C2CD3: variants seen among roughly 807,000 people sequenced by gnomAD.
C2CD3 encodes the protein C2 domain-containing protein 3.
Under a neutral mutation model 234.0 loss-of-function variants are expected in C2CD3, and 148 were observed. The observed-to-expected ratio is 0.63, with a 90% confidence interval of 0.55 to 0.72. The LOEUF (loss-of-function observed/expected upper bound fraction) is 0.72, where lower values mean the gene tolerates loss of function less well. Ranked by LOEUF, C2CD3 falls within the 30% of genes least tolerant of loss-of-function variation. The pLI is 0.00. For synonymous variants in C2CD3, 1,000 were observed against 1,035.4 expected, an observed-to-expected ratio of 0.97 and a Z score of 0.66; for missense variants, 2,577 against 2,811.5, an observed-to-expected ratio of 0.92 and a Z score of 1.89.
chr11:74,138,676 A>G (rs968446795), intron 5 of C2CD3, 44 bp downstream of exon 5: 1 of 1,524,398 alleles, frequency 6.6e-7, no homozygotes, highest in Admixed American at 1.7e-5. Flanking sequence ...GAGCAATCCC[A>G]TAAACGTAGT....
chr11:74,101,184 C>T (rs548726123), intron 14 of C2CD3, among the ~76,000 whole-genome samples: 14 of 152,344 alleles, frequency 9.2e-5, no homozygotes, highest in Non-Finnish European at 1.9e-4. Flanking sequence ...AAGCCAACTG[C>T]TCCTCTGGAT....
intron 2 of C2CD3, among the ~76,000 whole-genome samples, chr11:74,165,326 A>T (rs1456768841): frequency 1.3e-5 from 2 of 152,138 alleles, no homozygotes; most frequent in Non-Finnish European, 2.9e-5. Context: ...CTCATTTGTA[A>T]ATCTCTTCAT....
chr11:74,121,938 G>A (rs1957232594), intron 8 of C2CD3, among the ~76,000 whole-genome samples: 2 of 152,168 alleles, frequency 1.3e-5, no homozygotes, highest in East Asian at 1.9e-4. Flanking sequence ...TCTGTCTCAT[G>A]CTTCCCGTAG....
chr11:74,166,417 C>A (rs936586606), intron 2 of C2CD3, among the ~76,000 whole-genome samples: 6 of 151,600 alleles, frequency 4.0e-5, no homozygotes, highest in African/African-American at 1.5e-4. Flanking sequence ...TTTCCATGGC[C>A]TTCTTTCTTA....
In C2CD3 at chr11:74,170,929, G is replaced by T; in HGVS notation, c.-137C>A. 1 of 1,519,172 alleles carries T rather than the reference G, an allele frequency of 6.6e-7. No homozygotes were observed. The highest frequency in any genetic ancestry group is 1.2e-5 in the South Asian group (1 of 82,096). 94.1% of individuals were successfully genotyped at this position (1,519,172 alleles called of 1,614,324 possible). A position where few individuals can be genotyped will look rare whatever the true frequency, so the allele number is the denominator to read the frequency against. On this transcript the variant is annotated 5_prime_UTR_variant, in exon 1 of 33. Coordinates refer to ENST00000334126, the MANE Select transcript of C2CD3 (RefSeq NM_001286577.2). ...GGCAGCCTGGGAGGCAGGAAAAAGCGACTCTTCCTCTAACAGTCTCCGGAA... is the reference window on the plus strand; with the variant it reads ...GGCAGCCTGGGAGGCAGGAAAAAGCTACTCTTCCTCTAACAGTCTCCGGAA...
At chr11:74,164,143 A>C in intron 2 of C2CD3, 1 of 960,864 alleles carries the variant, frequency 1.0e-6, no homozygotes, top group Non-Finnish European at 1.2e-6. Flanking sequence ...TTCTTAGTAG[A>C]CTTCTGACCT....
chr11:74,100,659 C>T lies in C2CD3; in HGVS notation c.2598G>A (p.Leu866=). The stretch of plus-strand genomic sequence containing the variant: ...TAAGCCTTTCCAGGTATTTGGAAGA[C>T]AGAGAGACAGGAATCACCTAAGAGA... ...FNFSQVIPVS[L]SSKYLERLKN... The change falls in exon 15 of 33, where the codon CTG becomes CTA. Residue 866 remains leucine, a synonymous_variant. Coordinates refer to ENST00000334126, the MANE Select transcript of C2CD3 (RefSeq NM_001286577.2). 3 of 1,612,370 alleles carry T rather than the reference C, an allele frequency of 1.9e-6. No individual in the cohort carries two copies. Among genetic ancestry groups the T allele is most frequent in the Non-Finnish European group, 2.5e-6 (3 of 1,179,486 alleles).
intron 24 of C2CD3, among the ~76,000 whole-genome samples, chr11:74,062,253 T>C (rs1954284600): frequency 6.6e-6 from 1 of 152,152 alleles, no homozygotes; most frequent in Non-Finnish European, 1.5e-5. Context: ...GGAATTGAAC[T>C]CAGCTCTGCA....
intron 3 of C2CD3, among the ~76,000 whole-genome samples, chr11:74,149,705 T>C (rs1855468047): frequency 6.6e-6 from 1 of 152,144 alleles, no homozygotes; most frequent in Non-Finnish European, 1.5e-5. Context: ...AATCAAGGGA[T>C]TCTCTTCGGC....
intron 11 of C2CD3, among the ~76,000 whole-genome samples, chr11:74,113,015 T>C (rs1185982078): frequency 6.6e-6 from 1 of 152,202 alleles, no homozygotes; most frequent in East Asian, 1.9e-4. Context: ...ATAGCAGCAT[T>C]ATGCAAAATT....
In C2CD3 at chr11:74,085,719, T is replaced by C; in HGVS notation, c.3809A>G (p.Asn1270Ser). Reference sequence around the variant, plus strand: ...TCCACTACAGTGCTGAGTCACCAAGTTACATGTGAACTCAACGTGATGGGA... The same window carrying C: ...TCCACTACAGTGCTGAGTCACCAAGCTACATGTGAACTCAACGTGATGGGA... The part of the protein sequence containing the change: ...EFSHHVEFTC[N>S]LVTQHCSGEA... Residue 1270 changes from asparagine to serine, a missense_variant, in exon 21 of 33, where the codon AAC (asparagine) becomes AGC (serine). Transcript: ENST00000334126. 1 of 1,614,034 alleles carries C rather than the reference T, an allele frequency of 6.2e-7. No homozygotes were observed. Among genetic ancestry groups the C allele is most frequent in the Non-Finnish European group, 8.5e-7 (1 of 1,180,004 alleles).
intron 3 of C2CD3, among the ~76,000 whole-genome samples, chr11:74,146,044 C>A (rs1855160796): frequency 6.6e-6 from 1 of 151,982 alleles, no homozygotes; most frequent in Non-Finnish European, 1.5e-5. Flanking sequence ...GAAACAAACT[C>A]TAGTAAGAAT....
chr11:74,064,404 G>T (rs896821733), intron 24 of C2CD3, among the ~76,000 whole-genome samples: 36 of 152,174 alleles, frequency 2.4e-4, no homozygotes, highest in Admixed American at 2.4e-3. Flanking sequence ...ACAAACCATT[G>T]CTCAATGAAA....
intron 5 of C2CD3, among the ~76,000 whole-genome samples, chr11:74,135,701 T>C (rs1957840763): frequency 6.6e-6 from 1 of 152,172 alleles, no homozygotes; most frequent in African/African-American, 2.4e-5. Flanking sequence ...TATTAGTACA[T>C]CAAAGACCAG....
Position 74,093,978 on chromosome 11 carries a change from C to T in C2CD3, c.3182G>A (p.Arg1061Lys), listed in dbSNP as rs747425739. 7 of 1,613,752 alleles carry T rather than the reference C, an allele frequency of 4.3e-6. No homozygotes were observed. The highest frequency in any genetic ancestry group is 5.9e-6 in the Non-Finnish European group (7 of 1,179,736). The change falls in exon 18 of 33, where the codon AGA becomes AAA. Residue 1061 changes from arginine to lysine, a missense_variant. By Grantham distance (26) the Arg-to-Lys change is conservative. Transcript: ENST00000334126. ...LENGITLKPF[R>K]TATTLCVPDP... ...TGGAACACAGAGTGTGGTTGCAGTT[C>T]TGAAGGGCTTCAGAGTAATTCCTTT...
Position 74,074,918 on chromosome 11 carries a change from TACAAAAAAC to T in C2CD3, c.4604-327_4604-319del, listed in dbSNP as rs60640897. On this transcript the variant is annotated intron_variant, in intron 23 of 32. Coordinates refer to ENST00000334126, the MANE Select transcript of C2CD3 (RefSeq NM_001286577.2). Reference sequence around the variant, plus strand: ...GGGCAACATGGTAAAACCCTATCTCTACAAAAAACACAAAAATTAGCTGAGCATGGTGGT... The same window carrying T: ...GGGCAACATGGTAAAACCCTATCTCTACAAAAATTAGCTGAGCATGGTGGT... Among the ~76,000 whole-genome samples the T allele has an allele frequency of 0.091, 13,780 of 151,852 alleles. 1,688 individuals are homozygous for T. Among genetic ancestry groups the T allele is most frequent in the African/African-American group, 0.28 (11,446 of 41,314 alleles).
chr11:74,139,087 G>A (rs945642804), intron 4 of C2CD3, 120 bp from the exon 5 acceptor site: 22 of 732,842 alleles, frequency 3.0e-5, no homozygotes, highest in African/African-American at 1.9e-4. Flanking sequence ...CTCAAAAAGC[G>A]TGACTTATTT....
At chr11:74,140,560 T>A (rs1275268222) in intron 3 of C2CD3, among the ~76,000 whole-genome samples, 1 of 152,184 alleles carries the variant, frequency 6.6e-6, no homozygotes, top group East Asian at 1.9e-4. Context: ...TCTTTTTTTT[T>A]AAAGCAAAGA....
Position 74,037,517 on chromosome 11 carries a change from A to G in C2CD3, c.5842T>C (p.Ser1948Pro). Residue 1948 changes from serine (S) to proline (P), a missense_variant, in exon 30 of 33, where the codon TCC becomes CCC. Physicochemically the swap from Ser to Pro is moderately conservative, Grantham distance 74. Coordinates refer to ENST00000334126, the MANE Select transcript of C2CD3 (RefSeq NM_001286577.2). ...CTGACTTGCAACACCAGGTTACTGG[A>G]TTTCTCCAGGATACACTGGCTCCCA... ...DPGSQCILEK[S>P]SNLVLQVSSL... The G allele has an allele frequency of 6.2e-7, 1 of 1,614,028 alleles. No individual in the cohort carries two copies. The highest frequency in any genetic ancestry group is 8.5e-7 in the Non-Finnish European group (1 of 1,179,984).
Sources: allele counts gnomAD v4.1 joint callset (sites outside exome capture counted in the v4.1 genomes callset), GRCh38; gene constraint gnomAD v4.1.1; transcripts MANE v1.5; gene names NCBI Gene and HGNC (gene_info 2026-07-23, HGNC 2026-07-21).